Variants in RABGAP1L observed in about 807,000 individuals in gnomAD.
RABGAP1L encodes RAB GTPase activating protein 1 like.
RABGAP1L carries 63 observed loss-of-function variants against 137.7 expected under a neutral mutation model. That is an observed-to-expected ratio of 0.46 (90% CI 0.37 to 0.56). RABGAP1L has a LOEUF of 0.56. RABGAP1L is among the 20% of genes least tolerant of loss of function. The pLI is 0.00. For missense variants in RABGAP1L, 1,095 were observed against 1,244.0 expected (o/e 0.88, Z 1.80); for synonymous variants, 431 against 433.7 (o/e 0.99, Z 0.08).
intron 13 of RABGAP1L, among the ~76,000 whole-genome samples, chr1:174,587,919 A>T (rs1669245058): frequency 6.6e-6 from 1 of 152,178 alleles, no homozygotes; most frequent in Non-Finnish European, 1.5e-5. Context: ...ACTGGAGTGC[A>T]GTGGCACAAT....
At chr1:174,276,788 A>G (rs947992442) in intron 9 of RABGAP1L, among the ~76,000 whole-genome samples, 1 of 152,092 alleles carries the variant, frequency 6.6e-6, no homozygotes, top group African/African-American at 2.4e-5. Context: ...TAAATGTTGA[A>G]TAGTCACATT....
At chr1:174,815,844 A>T (rs775406635) in intron 19 of RABGAP1L, among the ~76,000 whole-genome samples, 1 of 152,202 alleles carries the variant, frequency 6.6e-6, no homozygotes, top group Non-Finnish European at 1.5e-5. Flanking sequence ...ACTAGGCCAA[A>T]ATCAGAAAAC....
intron 11 of RABGAP1L, among the ~76,000 whole-genome samples, chr1:174,325,826 A>G (rs1399651349): frequency 6.6e-6 from 1 of 152,224 alleles, no homozygotes; most frequent in African/African-American, 2.4e-5. Context: ...TACCTGCCAT[A>G]GGAGCTGCAC....
At chr1:174,699,381 T>A in intron 15 of RABGAP1L, 144 bp from the exon 16 acceptor site, 2 of 556,216 alleles carry the variant, frequency 3.6e-6, no homozygotes, top group East Asian at 6.2e-5. Flanking sequence ...GTCATGTCAC[T>A]CTGCCAAAGA....
At chr1:174,320,788 G>A (rs960196838) in intron 11 of RABGAP1L, among the ~76,000 whole-genome samples, 1 of 151,970 alleles carries the variant, frequency 6.6e-6, no homozygotes, top group Non-Finnish European at 1.5e-5. Flanking sequence ...GGTGTATGTC[G>A]CCTCAGGACC....
At chr1:174,388,188 C>T (rs923713577) in intron 12 of RABGAP1L, among the ~76,000 whole-genome samples, 1 of 151,962 alleles carries the variant, frequency 6.6e-6, no homozygotes, top group African/African-American at 2.4e-5. Context: ...TATATATGCT[C>T]AGTGAAATTT....
chr1:174,301,960 T>C (rs1021634317), intron 10 of RABGAP1L, among the ~76,000 whole-genome samples: 1 of 152,186 alleles, frequency 6.6e-6, no homozygotes, highest in East Asian at 1.9e-4. Flanking sequence ...TTAAACTGCC[T>C]TTTGGCTTGA....
intron 19 of RABGAP1L, among the ~76,000 whole-genome samples, chr1:174,943,847 T>C (rs1215320846): frequency 6.6e-5 from 10 of 151,796 alleles, no homozygotes; most frequent in Admixed American, 1.3e-4. Flanking sequence ...AAAAAGACTT[T>C]CTCCCCACCA....
chr1:174,862,903 C>CT (rs914680681), intron 19 of RABGAP1L, among the ~76,000 whole-genome samples: 19 of 148,028 alleles, frequency 1.3e-4, no homozygotes, highest in South Asian at 4.3e-4. Flanking sequence ...TAATTCTTTT[C>CT]TTTTTTTTTT....
At chr1:174,854,892 C>T (rs887414862) in intron 19 of RABGAP1L, among the ~76,000 whole-genome samples, 9 of 151,662 alleles carry the variant, frequency 5.9e-5, no homozygotes, top group Admixed American at 1.3e-4. Flanking sequence ...CACGTACCAC[C>T]GCATCTGGCT....
At chr1:174,539,244 G>A (rs963509849) in intron 13 of RABGAP1L, among the ~76,000 whole-genome samples, 1 of 151,562 alleles carries the variant, frequency 6.6e-6, no homozygotes, top group African/African-American at 2.4e-5. Flanking sequence ...CAGGTAAACC[G>A]GGGTTTTATT....
chr1:174,409,178 C>A (rs773097594), intron 13 of RABGAP1L, among the ~76,000 whole-genome samples: 1 of 152,106 alleles, frequency 6.6e-6, no homozygotes. Flanking sequence ...GCTGGAGCTG[C>A]GGCAGAAGAA....
At chr1:174,877,258 C>A in intron 19 of RABGAP1L, 1 of 646,090 alleles carries the variant, frequency 1.5e-6, no homozygotes, top group Non-Finnish European at 2.6e-6. Flanking sequence ...TGTATACTTC[C>A]TGCATAGATA....
intron 11 of RABGAP1L, among the ~76,000 whole-genome samples, chr1:174,338,678 ATATT>A (rs776030358): frequency 7.2e-4 from 109 of 152,100 alleles, no homozygotes; most frequent in African/African-American, 2.5e-3. Flanking sequence ...ATGATTAATA[ATATT>A]TATTTATTGC....
chr1:174,853,625 G>A (rs1401225160), intron 19 of RABGAP1L, among the ~76,000 whole-genome samples: 1 of 152,162 alleles, frequency 6.6e-6, no homozygotes, highest in African/African-American at 2.4e-5. Flanking sequence ...CAGCTACTCG[G>A]GAGGCTGAGA....
intron 15 of RABGAP1L, among the ~76,000 whole-genome samples, chr1:174,691,826 CT>C (rs200548220): frequency 6.6e-6 from 1 of 150,848 alleles, no homozygotes; most frequent in Non-Finnish European, 1.5e-5. Context: ...CATTTTAGTG[CT>C]TTTTTTTTAA....
chr1:174,502,656 ATATG>A (rs1267074063), intron 13 of RABGAP1L, among the ~76,000 whole-genome samples: 3 of 148,598 alleles, frequency 2.0e-5, no homozygotes, highest in African/African-American at 7.4e-5. Context: ...ATGTACATAT[ATATG>A]TGTGTGTGTA....
At chr1:174,225,862 T>G (rs924220363) in intron 3 of RABGAP1L, among the ~76,000 whole-genome samples, 1 of 152,166 alleles carries the variant, frequency 6.6e-6, no homozygotes, top group African/African-American at 2.4e-5. Flanking sequence ...GGAAAAATAA[T>G]AGAGTTTTTC....
chr1:174,722,122 G>A (rs1681589342), intron 17 of RABGAP1L, among the ~76,000 whole-genome samples: 1 of 152,046 alleles, frequency 6.6e-6, no homozygotes, highest in Admixed American at 6.6e-5. Context: ...AGTAGAGATG[G>A]GGTTTCACCA....
Sources: gnomAD v4.1 joint callset for allele counts (sites outside exome capture counted in the v4.1 genomes callset) on GRCh38, gnomAD v4.1.1 for gene constraint, MANE v1.5 for transcripts, NCBI Gene and HGNC (gene_info 2026-07-23, HGNC 2026-07-21) for gene names.